FREM1: variants seen among roughly 807,000 people sequenced by gnomAD.
FREM1 encodes the protein FRAS1-related extracellular matrix protein 1.
A neutral mutation model predicts 210.1 loss-of-function variants in FREM1; 220 were observed. The observed-to-expected ratio is 1.05, with a 90% confidence interval of 0.94 to 1.17. The LOEUF is 1.17. Ranked by LOEUF, FREM1 falls within the 50% of genes most tolerant of loss-of-function variation. FREM1 has a pLI of 0.00. For missense variants in FREM1, 3,454 were observed against 2,675.5 expected (o/e 1.29, Z -6.42); for synonymous variants, 1,189 against 980.2 (o/e 1.21, Z -3.98).
intron 22 of FREM1, 148 bp from the exon 23 acceptor site, chr9:14,789,262 T>C (rs1479788173): frequency 1.9e-6 from 1 of 517,418 alleles, no homozygotes; most frequent in Non-Finnish European, 3.3e-6. Flanking sequence ...CTTTACCTGA[T>C]TTTTTTTTCT....
At chr9:14,761,276 G>C (rs1430062285) in intron 27 of FREM1, among the ~76,000 whole-genome samples, 2 of 152,146 alleles carry the variant, frequency 1.3e-5, no homozygotes, top group Non-Finnish European at 2.9e-5. Flanking sequence ...CAACAGTGTA[G>C]GTTCATAGCT....
At chr9:14,750,319 C>T in intron 29 of FREM1, 43 bp from the exon 30 acceptor site, 22 of 1,487,002 alleles carry the variant, frequency 1.5e-5, no homozygotes, top group Non-Finnish European at 2.1e-5. Context: ...ATTGCTATTT[C>T]AATCACCTAG....
chr9:14,879,722 G>C (rs552400644), intron 1 of FREM1, among the ~76,000 whole-genome samples: 3 of 152,158 alleles, frequency 2.0e-5, no homozygotes, highest in African/African-American at 7.2e-5. Flanking sequence ...AAATAAAATG[G>C]AGAAAAGCAT....
chr9:14,902,632 T>C (rs1055413497), intron 1 of FREM1, among the ~76,000 whole-genome samples: 3 of 152,158 alleles, frequency 2.0e-5, no homozygotes, highest in Admixed American at 6.5e-5. Flanking sequence ...ACCTCCTAGC[T>C]TGAACAGTCA....
chr9:14,763,429 A>T (rs758692258), intron 27 of FREM1, among the ~76,000 whole-genome samples: 1 of 152,170 alleles, frequency 6.6e-6, no homozygotes, highest in Non-Finnish European at 1.5e-5. Context: ...CTGGAGACAG[A>T]GGTTGCAGTG....
chr9:14,838,354 T>C (rs1407043880), intron 10 of FREM1, among the ~76,000 whole-genome samples: 1 of 152,152 alleles, frequency 6.6e-6, no homozygotes, highest in Non-Finnish European at 1.5e-5. Context: ...TTAAATCTAT[T>C]TTTATCTGTA....
chr9:14,800,224 A>C (rs1853274904), intron 20 of FREM1, among the ~76,000 whole-genome samples: 1 of 152,132 alleles, frequency 6.6e-6, no homozygotes, highest in South Asian at 2.1e-4. Context: ...AGTGGTTTGG[A>C]GACCTTGGGT....
At chr9:14,811,206 T>C (rs1398329917) in intron 16 of FREM1, among the ~76,000 whole-genome samples, 1 of 152,084 alleles carries the variant, frequency 6.6e-6, no homozygotes, top group Non-Finnish European at 1.5e-5. Context: ...AAGCCGTCTA[T>C]TTGAAATAAT....
Position 14,808,083 on chromosome 9 carries a change from G to T in FREM1, c.2945C>A (p.Ser982Ter), listed in dbSNP as rs377212852. 6.2e-7 allele frequency: 1 copy of T among 1,613,148 alleles called. No individual in the cohort carries two copies. The highest frequency in any genetic ancestry group is 1.3e-5 in the African/African-American group (1 of 74,886). Residue 982 changes from serine (S) to a stop codon, truncating the protein, a stop_gained, in exon 17 of 37, where the codon TCG becomes TAG. Transcript: ENST00000380880. LOFTEE classifies it high-confidence loss of function. ...PCFDTITLVV[S>*]DGEAGPFVNG... ...CACAAAAGGGCCAGCCTCTCCATCC[G>T]AAACCACCAATGTAATGGTGTCAAA...
chr9:14,798,206 A>G (rs1852808654), intron 20 of FREM1, among the ~76,000 whole-genome samples: 1 of 152,242 alleles, frequency 6.6e-6, no homozygotes, highest in Non-Finnish European at 1.5e-5. Flanking sequence ...AGATTTATAT[A>G]AAATGTTTAC....
At chr9:14,772,860 T>A (rs183019642) in intron 25 of FREM1, among the ~76,000 whole-genome samples, 1 of 152,318 alleles carries the variant, frequency 6.6e-6, no homozygotes, top group Admixed American at 6.5e-5. Flanking sequence ...TGAATGTAGA[T>A]GGTTGTTTTA....
intron 35 of FREM1, among the ~76,000 whole-genome samples, chr9:14,744,979 G>C (rs1027148381): frequency 6.6e-6 from 1 of 152,162 alleles, no homozygotes; most frequent in African/African-American, 2.4e-5. Flanking sequence ...GACATGGAGG[G>C]AGCTGGGGGT....
intron 7 of FREM1, among the ~76,000 whole-genome samples, chr9:14,847,013 AG>A (rs1404135315): frequency 4.6e-5 from 7 of 152,204 alleles, no homozygotes; most frequent in African/African-American, 1.7e-4. Context: ...CAGGGGACCC[AG>A]GAAGTGTGTG....
Position 14,861,328 on chromosome 9 carries a change from T to A in FREM1, c.330-1844A>T, listed in dbSNP as rs10961758. On this transcript the variant is annotated intron_variant, in intron 3 of 36. Coordinates refer to ENST00000380880, the MANE Select transcript of FREM1 (RefSeq NM_001379081.2). ...ACATATATACATATATACACATATA[T>A]ACATATATACACATATATATACATA... 2.3e-5 allele frequency among the ~76,000 whole-genome samples: 2 copies of A among 87,250 alleles called. 1 individual carries two copies. The highest frequency in any genetic ancestry group is 1.0e-4 in the African/African-American group (2 of 19,858). The allele number at this position is 87,250 out of a possible 152,430, so 57.2% of individuals were successfully genotyped here. A position where few individuals can be genotyped will look rare whatever the true frequency, so the allele number is the denominator to read the frequency against.
At chr9:14,879,157 C>CA (rs78563904) in intron 1 of FREM1, among the ~76,000 whole-genome samples, 1,421 of 104,346 alleles carry the variant, frequency 0.014, 31 homozygotes, top group African/African-American at 0.036. Context: ...GATTCCGTCT[C>CA]AAAAAAAAAA....
intron 16 of FREM1, among the ~76,000 whole-genome samples, chr9:14,810,171 G>A (rs957504557): frequency 4.6e-5 from 7 of 151,980 alleles, no homozygotes; most frequent in Admixed American, 3.3e-4. Flanking sequence ...TGGGACAGAT[G>A]GGATAGAAGA....
At chr9:14,788,746 G>C (rs1850807420) in intron 23 of FREM1, among the ~76,000 whole-genome samples, 173 bp downstream of exon 23, 1 of 152,118 alleles carries the variant, frequency 6.6e-6, no homozygotes, top group Admixed American at 6.6e-5. Context: ...TAGGTCCCAG[G>C]CAAAGCAGGT....
At chr9:14,771,437 G>A (rs922836716) in intron 25 of FREM1, among the ~76,000 whole-genome samples, 2 of 152,154 alleles carry the variant, frequency 1.3e-5, no homozygotes, top group African/African-American at 4.8e-5. Flanking sequence ...CCAGGTAGCT[G>A]AACAGGTGGA....
intron 27 of FREM1, among the ~76,000 whole-genome samples, chr9:14,763,002 T>G (rs2132326390): frequency 6.6e-6 from 1 of 152,298 alleles, no homozygotes; most frequent in African/African-American, 2.4e-5. Flanking sequence ...AGATAAGGAT[T>G]GGTTCATATC....
Sources: allele counts gnomAD v4.1 joint callset (sites outside exome capture counted in the v4.1 genomes callset), GRCh38; gene constraint gnomAD v4.1.1; transcripts MANE v1.5; gene names NCBI Gene and HGNC (gene_info 2026-07-23, HGNC 2026-07-21).